Variants in MACROD1 observed in about 807,000 individuals in gnomAD.
MACROD1 encodes ADP-ribose glycohydrolase MACROD1.
MACROD1 carries 31 observed loss-of-function variants against 41.4 expected under a neutral mutation model. The ratio of observed to expected loss-of-function variants is 0.75; its 90% CI spans 0.56 to 1.01. MACROD1 has a LOEUF of 1.01. Ranked by LOEUF, MACROD1 falls within the 50% of genes least tolerant of loss-of-function variation. The pLI is 0.00. For synonymous variants in MACROD1, 252 were observed against 203.4 expected (o/e 1.24, Z -2.03); for missense variants, 473 against 460.0 (o/e 1.03, Z -0.26).
intron 1 of MACROD1, among the ~76,000 whole-genome samples, chr11:64,159,362 G>A (rs1281261776): frequency 6.6e-6 from 1 of 151,672 alleles, no homozygotes; most frequent in Non-Finnish European, 1.5e-5. Flanking sequence ...CCGGTGTAGT[G>A]GCACACACCT....
intron 3 of MACROD1, among the ~76,000 whole-genome samples, chr11:64,028,128 C>T (rs1229926559): frequency 6.7e-6 from 1 of 149,890 alleles, no homozygotes; most frequent in African/African-American, 2.4e-5. Context: ...GCAGTTGTGT[C>T]TGACTCTAAA....
intron 3 of MACROD1, among the ~76,000 whole-genome samples, chr11:64,078,989 T>C (rs1031927039): frequency 4.0e-5 from 6 of 151,032 alleles, no homozygotes; most frequent in African/African-American, 1.5e-4. Context: ...ACAAGGAACA[T>C]GGATTTGTTC....
At chr11:64,105,062 C>T (rs902341674) in intron 3 of MACROD1, among the ~76,000 whole-genome samples, 17 of 152,236 alleles carry the variant, frequency 1.1e-4, no homozygotes, top group African/African-American at 2.4e-4. Context: ...TTCGTCAGCA[C>T]GGCGCAGCAT....
intron 5 of MACROD1, 48 bp downstream of exon 5, chr11:64,000,179 C>CG: frequency 6.8e-7 from 1 of 1,472,808 alleles, no homozygotes. Flanking sequence ...CAGTGACACA[C>CG]GGGCGCCCTG....
chr11:64,014,730 C>T (rs918342671), intron 4 of MACROD1, among the ~76,000 whole-genome samples: 1 of 152,220 alleles, frequency 6.6e-6, no homozygotes, highest in Non-Finnish European at 1.5e-5. Context: ...CCACCCTGAC[C>T]TCTGACCTCC....
rs1212638787 is a variant in MACROD1, at chr11:64,036,581, A to G, written c.518-21300T>C. 6.6e-6 allele frequency among the ~76,000 whole-genome samples: 1 copy of G among 152,088 alleles called. No homozygotes were observed. Among genetic ancestry groups the G allele is most frequent in the Non-Finnish European group, 1.5e-5 (1 of 67,980 alleles). Reference sequence around the variant, plus strand: ...GGGAACCGGAGGAGGGCGCGCGGCCAGGGACAGCCGGCCGGCCTGGGCGCC... The same window carrying G: ...GGGAACCGGAGGAGGGCGCGCGGCCGGGGACAGCCGGCCGGCCTGGGCGCC... On this transcript the variant is annotated intron_variant, in intron 3 of 10. Coordinates refer to ENST00000255681, the MANE Select transcript of MACROD1 (RefSeq NM_014067.4). The surrounding 1 kb of genome is among the most constrained non-coding windows in gnomAD (Gnocchi z 5.6).
At chr11:64,118,121 G>A (rs375250892) in intron 3 of MACROD1, 10 of 1,613,096 alleles carry the variant, frequency 6.2e-6, no homozygotes, top group Non-Finnish European at 7.6e-6. Context: ...GCGGCCCTGG[G>A]CTGCAGATGC....
intron 3 of MACROD1, among the ~76,000 whole-genome samples, chr11:64,104,941 G>A (rs561109822): frequency 2.0e-5 from 3 of 152,122 alleles, no homozygotes; most frequent in Non-Finnish European, 4.4e-5. Context: ...AAGCCTCTGT[G>A]CCCTGGGCAG....
chr11:64,143,801 C>CA (rs1555033090), intron 3 of MACROD1, among the ~76,000 whole-genome samples: 7 of 144,854 alleles, frequency 4.8e-5, no homozygotes, highest in Non-Finnish European at 1.1e-4. Flanking sequence ...CACACACACA[C>CA]AATTTCCTGG....
At chr11:64,155,528 A>G (rs1392816884) in intron 1 of MACROD1, among the ~76,000 whole-genome samples, 2 of 152,210 alleles carry the variant, frequency 1.3e-5, no homozygotes, top group African/African-American at 2.4e-5. Flanking sequence ...GCTTGCTGGG[A>G]GGGTCAAAGG....
chr11:64,144,572 G>T (rs573489623), intron 3 of MACROD1, among the ~76,000 whole-genome samples: 1 of 152,198 alleles, frequency 6.6e-6, no homozygotes, highest in Admixed American at 6.5e-5. Flanking sequence ...CCAGGGCACC[G>T]GAAAGTGGCC....
intron 3 of MACROD1, among the ~76,000 whole-genome samples, chr11:64,125,713 C>T (rs1394722916): frequency 6.6e-6 from 1 of 152,200 alleles, no homozygotes; most frequent in African/African-American, 2.4e-5. Flanking sequence ...GTGGCTGCCC[C>T]AACCTGTGTC....
chr11:64,039,543 T>C (rs939785051), intron 3 of MACROD1, among the ~76,000 whole-genome samples: 25 of 152,112 alleles, frequency 1.6e-4, no homozygotes, highest in Admixed American at 1.4e-3. Flanking sequence ...GGGCCAGGGC[T>C]GTGGTGTGGG....
intron 3 of MACROD1, among the ~76,000 whole-genome samples, chr11:64,128,675 C>T (rs1444847012): frequency 4.6e-5 from 7 of 151,920 alleles, no homozygotes; most frequent in African/African-American, 9.7e-5. Flanking sequence ...CTGCCCTCCA[C>T]GCCTGACACC....
At chr11:64,086,678 T>C (rs116252820) in intron 3 of MACROD1, among the ~76,000 whole-genome samples, 3,506 of 152,246 alleles carry the variant, frequency 0.023, 133 homozygotes, top group African/African-American at 0.081. Context: ...TCACATCATG[T>C]GTTCAGGGAA....
chr11:64,076,097 T>G (rs988510447), intron 3 of MACROD1, among the ~76,000 whole-genome samples: 7 of 152,140 alleles, frequency 4.6e-5, no homozygotes, highest in Admixed American at 2.0e-4. Context: ...GCCAGAGGCC[T>G]CTCCCTCAAG....
intron 3 of MACROD1, among the ~76,000 whole-genome samples, chr11:64,046,960 C>A (rs1217501609): frequency 6.6e-6 from 1 of 152,218 alleles, no homozygotes. Flanking sequence ...CTCTCTAGTT[C>A]CTGAGAAGTC....
chr11:64,102,322 G>A (rs1314788488), intron 3 of MACROD1, among the ~76,000 whole-genome samples: 1 of 152,140 alleles, frequency 6.6e-6, no homozygotes, highest in Non-Finnish European at 1.5e-5. Flanking sequence ...CCTGCCCTCC[G>A]TCTGTGTGGA....
intron 3 of MACROD1, among the ~76,000 whole-genome samples, chr11:64,092,000 C>T (rs1436102055): frequency 8.5e-5 from 13 of 152,324 alleles, no homozygotes; most frequent in Admixed American, 6.5e-4. Flanking sequence ...GCGGGGCTGC[C>T]GGCCCTCTAT....
Sources: allele counts gnomAD v4.1 joint callset (sites outside exome capture counted in the v4.1 genomes callset), GRCh38; gene constraint gnomAD v4.1.1; non-coding constraint Gnocchi (gnomAD v3.1); transcripts MANE v1.5; gene names NCBI Gene and HGNC (gene_info 2026-07-23, HGNC 2026-07-21).